NRIP1: variants seen among roughly 807,000 people sequenced by gnomAD.
NRIP1 encodes nuclear receptor interacting protein 1, also known as nuclear receptor-interacting protein 1.
Under a neutral mutation model 75.0 loss-of-function variants are expected in NRIP1, and 28 were observed. That is an observed-to-expected ratio of 0.37 (90% CI 0.28 to 0.51). The LOEUF is 0.51. NRIP1 is among the 20% of genes least tolerant of loss of function. The pLI, the probability that NRIP1 is intolerant of heterozygous loss-of-function variation, is 0.92. For missense variants in NRIP1, 1,435 were observed against 1,343.7 expected (o/e 1.07, Z -1.06); for synonymous variants, 526 against 487.6 (o/e 1.08, Z -1.04).
At chr21:14,990,506 G>C (rs192431525) in intron 3 of NRIP1, among the ~76,000 whole-genome samples, 2 of 152,324 alleles carry the variant, frequency 1.3e-5, no homozygotes, top group African/African-American at 4.8e-5. Context: ...TAATGAGGCA[G>C]TGTAGAGGGA....
At chr21:15,010,596 T>C (rs1352373197) in intron 3 of NRIP1, among the ~76,000 whole-genome samples, 2 of 152,226 alleles carry the variant, frequency 1.3e-5, no homozygotes, top group African/African-American at 2.4e-5. Context: ...ATGTTTCCCA[T>C]AGTAACAGTA....
At chr21:15,024,602 G>GTC (rs1284003782) in intron 2 of NRIP1, among the ~76,000 whole-genome samples, 36 of 148,640 alleles carry the variant, frequency 2.4e-4, no homozygotes, top group Non-Finnish European at 3.7e-4. Context: ...GTGTGTCTGT[G>GTC]TGTGTGTGTC....
chr21:15,023,123 A>C (rs1218691088), intron 2 of NRIP1, among the ~76,000 whole-genome samples: 1 of 152,206 alleles, frequency 6.6e-6, no homozygotes, highest in East Asian at 1.9e-4. Flanking sequence ...AAGATCATGA[A>C]ACTGTTAAAA....
chr21:15,015,295 G>A (rs2088199225), intron 2 of NRIP1, among the ~76,000 whole-genome samples: 1 of 152,172 alleles, frequency 6.6e-6, no homozygotes, highest in Non-Finnish European at 1.5e-5. Context: ...GGATTACAAA[G>A]AAATATCATC....
chr21:15,056,756 G>A (rs562433395), intron 1 of NRIP1, among the ~76,000 whole-genome samples: 12 of 151,996 alleles, frequency 7.9e-5, no homozygotes, highest in Non-Finnish European at 1.8e-4. Context: ...ATGTTTACAC[G>A]TCTTATTATT....
intron 3 of NRIP1, among the ~76,000 whole-genome samples, chr21:15,009,105 C>T (rs7281969): frequency 0.04 from 6,101 of 152,232 alleles, 405 homozygotes; most frequent in African/African-American, 0.14. Flanking sequence ...TTTCTTCAAA[C>T]ATAATCTCTT....
Position 15,023,186 on chromosome 21 carries a change from GAACACTTTA to G in NRIP1, c.-457-8729_-457-8721del, listed in dbSNP as rs568274633. 6.5e-4 allele frequency among the ~76,000 whole-genome samples: 99 copies of G among 152,238 alleles called. 1 individual carries two copies. The highest frequency in any genetic ancestry group is 2.3e-3 in the African/African-American group (96 of 41,554). ...ATGTGAACATAAAAACTACGGAACT[GAACACTTTA>G]AACAGGTGAATTTATAGTATGTAAA... is the stretch of plus-strand genomic sequence containing the variant. On this transcript the variant is annotated intron_variant, in intron 2 of 3. Coordinates refer to ENST00000318948, the MANE Select transcript of NRIP1 (RefSeq NM_003489.4).
At chr21:15,016,148 T>C (rs1330400867) in intron 2 of NRIP1, among the ~76,000 whole-genome samples, 1 of 152,232 alleles carries the variant, frequency 6.6e-6, no homozygotes, top group Non-Finnish European at 1.5e-5. Context: ...TGAGCAGAGA[T>C]TCCATTTCAT....
At chr21:14,973,025 A>C (rs2146967658) in intron 3 of NRIP1, among the ~76,000 whole-genome samples, 1 of 152,350 alleles carries the variant, frequency 6.6e-6, no homozygotes, top group Middle Eastern at 3.4e-3. Context: ...GGAATTGTTT[A>C]TAAAATATTG....
chr21:15,035,955 C>T (rs1481829622), intron 2 of NRIP1, among the ~76,000 whole-genome samples: 2 of 152,156 alleles, frequency 1.3e-5, no homozygotes, highest in Non-Finnish European at 2.9e-5. Context: ...TCTGAAATTA[C>T]TGCGAAAATG....
intron 3 of NRIP1, among the ~76,000 whole-genome samples, chr21:14,976,420 A>G (rs2087069867): frequency 6.6e-6 from 1 of 152,200 alleles, no homozygotes; most frequent in South Asian, 2.1e-4. Context: ...ATTACACAGT[A>G]TATTTTAAAA....
At chr21:15,016,632 C>T (rs537260690) in intron 2 of NRIP1, among the ~76,000 whole-genome samples, 115 of 152,230 alleles carry the variant, frequency 7.6e-4, no homozygotes, top group African/African-American at 2.7e-3. Flanking sequence ...CACCTGTAAT[C>T]CCAGCACTTT....
chr21:14,974,091 A>G (rs2086982051), intron 3 of NRIP1: 1 of 152,186 alleles, frequency 6.6e-6, no homozygotes, highest in African/African-American at 2.4e-5. Context: ...AAGTTAATTC[A>G]TGAATAATTT....
At chr21:15,035,802 C>T (rs556373926) in intron 2 of NRIP1, among the ~76,000 whole-genome samples, 180 of 152,114 alleles carry the variant, frequency 1.2e-3, no homozygotes, top group Non-Finnish European at 2.0e-3. Context: ...GTGATCCACC[C>T]GCCTCGGCCT....
intron 2 of NRIP1, among the ~76,000 whole-genome samples, chr21:15,032,888 C>G (rs185140211): frequency 6.6e-6 from 1 of 152,214 alleles, no homozygotes; most frequent in African/African-American, 2.4e-5. Flanking sequence ...TGTTTGATTT[C>G]AAATATGGTT....
chr21:15,010,136 A>G (rs2088068233), intron 3 of NRIP1, among the ~76,000 whole-genome samples: 1 of 152,220 alleles, frequency 6.6e-6, no homozygotes, highest in African/African-American at 2.4e-5. Flanking sequence ...CAGAATGAAG[A>G]AATTCTAGTT....
chr21:14,978,316 T>C (rs937272952), intron 3 of NRIP1, among the ~76,000 whole-genome samples: 1 of 152,180 alleles, frequency 6.6e-6, no homozygotes, highest in African/African-American at 2.4e-5. Context: ...TGATATGCTG[T>C]CATAAAGTTG....
At chr21:15,007,528 T>C (rs148262038) in intron 3 of NRIP1, among the ~76,000 whole-genome samples, 1 of 152,312 alleles carries the variant, frequency 6.6e-6, no homozygotes, top group African/African-American at 2.4e-5. Flanking sequence ...AAAGTAGTAA[T>C]TCTTACAGGG....
At chr21:15,026,620 T>C (rs533265571) in intron 2 of NRIP1, among the ~76,000 whole-genome samples, 191 of 152,260 alleles carry the variant, frequency 1.3e-3, no homozygotes, top group Non-Finnish European at 5.9e-4. Flanking sequence ...TGTGTAAATA[T>C]AAGTACACCT....
Sources: allele counts gnomAD v4.1 joint callset (sites outside exome capture counted in the v4.1 genomes callset), GRCh38; gene constraint gnomAD v4.1.1; transcripts MANE v1.5; gene names NCBI Gene and HGNC (gene_info 2026-07-23, HGNC 2026-07-21).